The following ULK4 variants were observed in gnomAD, a reference collection of about 807,000 sequenced individuals.
ULK4 encodes the protein unc-51 like kinase 4.
Under a neutral mutation model 160.6 loss-of-function variants are expected in ULK4, and 133 were observed. That is an observed-to-expected ratio of 0.83 (90% CI 0.72 to 0.96). The LOEUF (loss-of-function observed/expected upper bound fraction) is 0.96, where lower values mean the gene tolerates loss of function less well. Among genes scored for constraint, ULK4 ranks in the 40% least tolerant of loss-of-function variants. ULK4 has a pLI of 0.00. For synonymous variants in ULK4, 534 were observed against 539.8 expected (o/e 0.99, Z 0.15); for missense variants, 1,580 against 1,499.5 (o/e 1.05, Z -0.89).
intron 17 of ULK4, among the ~76,000 whole-genome samples, chr3:41,878,221 C>G (rs1249799769): frequency 6.6e-6 from 1 of 152,014 alleles, no homozygotes; most frequent in Non-Finnish European, 1.5e-5. Context: ...TATGAAAGCT[C>G]ACTGCCGAGA....
At chr3:41,425,051 A>C (rs981103796) in intron 34 of ULK4, among the ~76,000 whole-genome samples, 27 of 152,250 alleles carry the variant, frequency 1.8e-4, no homozygotes, top group African/African-American at 6.0e-4. Context: ...AATCATGATA[A>C]AACATTACAG....
chr3:41,958,133 G>T (rs985896850), intron 1 of ULK4, among the ~76,000 whole-genome samples: 1 of 150,808 alleles, frequency 6.6e-6, no homozygotes, highest in Non-Finnish European at 1.5e-5. Flanking sequence ...AGAATTAAAA[G>T]CAGGGTCTCA....
chr3:41,869,722 T>C (rs765219863), intron 17 of ULK4, among the ~76,000 whole-genome samples: 1 of 152,364 alleles, frequency 6.6e-6, no homozygotes, highest in African/African-American at 2.4e-5. Flanking sequence ...TGCTTCTACT[T>C]ATGTTATAAA....
chr3:41,294,891 A>G (rs2079639571), intron 35 of ULK4, among the ~76,000 whole-genome samples: 1 of 152,224 alleles, frequency 6.6e-6, no homozygotes, highest in South Asian at 2.1e-4. Context: ...TGATCTATAG[A>G]TTCAATGCAA....
intron 21 of ULK4, among the ~76,000 whole-genome samples, chr3:41,758,939 A>G (rs1575659956): frequency 6.6e-6 from 1 of 152,294 alleles, no homozygotes; most frequent in South Asian, 2.1e-4. Context: ...CCACATAGCC[A>G]TATCAATTAC....
chr3:41,429,759 G>T (rs571555246), intron 34 of ULK4, among the ~76,000 whole-genome samples: 9 of 151,928 alleles, frequency 5.9e-5, no homozygotes, highest in African/African-American at 2.2e-4. Flanking sequence ...AGCATGGGGG[G>T]AGGGAGAGCA....
intron 27 of ULK4, among the ~76,000 whole-genome samples, chr3:41,683,907 C>A (rs1389211833): frequency 2.0e-5 from 3 of 152,156 alleles, no homozygotes; most frequent in Admixed American, 6.5e-5. Context: ...TTCAAGCATG[C>A]AAGCCTACAG....
chr3:41,626,959 G>C (rs192070519), intron 30 of ULK4, among the ~76,000 whole-genome samples: 2 of 152,244 alleles, frequency 1.3e-5, no homozygotes, highest in East Asian at 3.9e-4. Flanking sequence ...AAGTAAATCT[G>C]ATAATATTTA....
chr3:41,262,852 T>C (rs988893301), intron 35 of ULK4, among the ~76,000 whole-genome samples: 4 of 152,222 alleles, frequency 2.6e-5, no homozygotes, highest in African/African-American at 9.7e-5. Flanking sequence ...TATAGCTGCT[T>C]TGGGAAGTCT....
intron 12 of ULK4, among the ~76,000 whole-genome samples, chr3:41,902,516 T>C (rs536981481): frequency 2.7e-4 from 39 of 146,926 alleles, no homozygotes; most frequent in Admixed American, 1.1e-3. Flanking sequence ...AGGCGGAGGT[T>C]GCAGTGAGCC....
At chr3:41,806,468 T>G (rs1478881560) in intron 19 of ULK4, among the ~76,000 whole-genome samples, 2 of 152,214 alleles carry the variant, frequency 1.3e-5, no homozygotes, top group Non-Finnish European at 2.9e-5. Flanking sequence ...CAAGGGTTTT[T>G]TGTGTCTGTA....
chr3:41,626,386 TTTAG>T (rs1164072650), intron 30 of ULK4, among the ~76,000 whole-genome samples: 1 of 152,214 alleles, frequency 6.6e-6, no homozygotes, highest in Non-Finnish European at 1.5e-5. Flanking sequence ...AGGATAATTA[TTTAG>T]TTGAGATTCA....
At chr3:41,819,202 A>G (rs548982444) in intron 19 of ULK4, among the ~76,000 whole-genome samples, 90 of 152,318 alleles carry the variant, frequency 5.9e-4, no homozygotes, top group African/African-American at 1.8e-3. Context: ...TCATTCCTTT[A>G]AAAAGCAAGA....
chr3:41,351,211 A>C (rs558172782), intron 35 of ULK4, among the ~76,000 whole-genome samples: 2 of 152,308 alleles, frequency 1.3e-5, no homozygotes, highest in African/African-American at 2.4e-5. Context: ...CCCCTGAAAA[A>C]GCTGGTGATT....
chr3:41,911,212 C>G, intron 11 of ULK4, 105 bp downstream of exon 11: 1 of 1,099,704 alleles, frequency 9.1e-7, no homozygotes, highest in Non-Finnish European at 1.3e-6. Flanking sequence ...CACTAAAATT[C>G]CTGTTCTTTA....
At chr3:41,444,875 C>A (rs995391221) in intron 34 of ULK4, among the ~76,000 whole-genome samples, 2 of 152,052 alleles carry the variant, frequency 1.3e-5, no homozygotes, top group East Asian at 1.9e-4. Flanking sequence ...CTGGCCAGGG[C>A]AATCAGGCAG....
At chr3:41,801,078 T>C (rs1344946879) in intron 19 of ULK4, among the ~76,000 whole-genome samples, 1 of 152,124 alleles carries the variant, frequency 6.6e-6, no homozygotes, top group Non-Finnish European at 1.5e-5. Flanking sequence ...ATTAAATGGC[T>C]ATAATAAATG....
intron 22 of ULK4, among the ~76,000 whole-genome samples, chr3:41,750,858 C>T (rs370123263): frequency 6.6e-6 from 1 of 151,074 alleles, no homozygotes; most frequent in African/African-American, 2.4e-5. Context: ...GATGTGGTGG[C>T]GGGCGCCTGT....
chr3:41,494,795 CAGAG>C (rs1212244015), intron 32 of ULK4, among the ~76,000 whole-genome samples: 6 of 152,024 alleles, frequency 3.9e-5, no homozygotes, highest in African/African-American at 7.2e-5. Context: ...AACAGACAAA[CAGAG>C]AGCCAAATCA....
Sources: gnomAD v4.1 joint callset for allele counts (sites outside exome capture counted in the v4.1 genomes callset) on GRCh38, gnomAD v4.1.1 for gene constraint, MANE v1.5 for transcripts, NCBI Gene and HGNC (gene_info 2026-07-23, HGNC 2026-07-21) for gene names.